CACNA1D: variants seen among roughly 807,000 people sequenced by gnomAD.
CACNA1D encodes the protein voltage-dependent L-type calcium channel subunit alpha-1D.
A neutral mutation model predicts 257.1 loss-of-function variants in CACNA1D; 55 were observed. The ratio of observed to expected loss-of-function variants is 0.21; its 90% CI spans 0.17 to 0.27. The LOEUF (loss-of-function observed/expected upper bound fraction) is 0.27, where lower values mean the gene tolerates loss of function less well. Among genes scored for constraint, CACNA1D ranks in the 10% least tolerant of loss-of-function variants. CACNA1D has a pLI of 1.00. For synonymous variants in CACNA1D, 980 were observed against 1,014.9 expected, an observed-to-expected ratio of 0.97 and a Z score of 0.65; for missense variants, 1,876 against 2,784.0, an observed-to-expected ratio of 0.67 and a Z score of 7.34.
chr3:53,715,041 A>G (rs764535761), intron 9 of CACNA1D, among the ~76,000 whole-genome samples: 1 of 152,140 alleles, frequency 6.6e-6, no homozygotes, highest in Non-Finnish European at 1.5e-5. Flanking sequence ...TTGGAAAAGG[A>G]TAAGTGTGAT....
chr3:53,650,069 GAGGAA>G (rs2108268249), intron 3 of CACNA1D, among the ~76,000 whole-genome samples: 1 of 152,346 alleles, frequency 6.6e-6, no homozygotes. Context: ...ATGGATACTA[GAGGAA>G]AGGTCAGAGG....
At chr3:53,683,477 C>T (rs893368654) in intron 8 of CACNA1D, among the ~76,000 whole-genome samples, 1 of 152,092 alleles carries the variant, frequency 6.6e-6, no homozygotes, top group Non-Finnish European at 1.5e-5. Flanking sequence ...AATCAACACT[C>T]GTTAAAGGAA....
intron 39 of CACNA1D, chr3:53,783,136 C>A (rs1013623693): frequency 1.1e-4 from 16 of 152,194 alleles, no homozygotes; most frequent in Admixed American, 8.5e-4. Flanking sequence ...TGTAAACCTT[C>A]CCCCTGCGAG....
intron 39 of CACNA1D, chr3:53,782,264 GTATATATATATATA>G (rs1553680730): frequency 4.0e-5 from 3 of 75,450 alleles, no homozygotes; most frequent in South Asian, 1.0e-3. Context: ...GTGTGTGTGT[GTATATATATATATA>G]TATATATATA....
At chr3:53,645,154 T>G (rs1442212381) in intron 3 of CACNA1D, among the ~76,000 whole-genome samples, 1 of 152,200 alleles carries the variant, frequency 6.6e-6, no homozygotes, top group Non-Finnish European at 1.5e-5. Flanking sequence ...CCTTTGCCCA[T>G]TTTAAAGTCA....
intron 3 of CACNA1D, among the ~76,000 whole-genome samples, chr3:53,591,829 C>T (rs541078889): frequency 2.0e-5 from 3 of 152,082 alleles, no homozygotes; most frequent in East Asian, 3.8e-4. Flanking sequence ...TTTTGGTGTC[C>T]GTTTATTTTT....
rs770116906 is a variant in CACNA1D, at chr3:53,753,676, G to A, written c.3780G>A (p.Lys1260=). The change falls in exon 29 of 48, where the codon AAG becomes AAA. Residue 1260 remains lysine (K), a synonymous_variant. Coordinates refer to ENST00000350061, the MANE Select transcript of CACNA1D (RefSeq NM_001128840.3). ...TGGTTTTGAAAGTCATCGCATTTAA[G>A]CCTAAGGTGAGTTGCAGAACCCACT... ...VEMVLKVIAF[K]PKGYFSDAWN... 1.2e-6 allele frequency: 2 copies of A among 1,601,598 alleles called. No homozygotes were observed. The highest frequency in any genetic ancestry group is 2.7e-5 in the African/African-American group (2 of 74,736).
chr3:53,767,590 T>C (rs868717009), intron 30 of CACNA1D, among the ~76,000 whole-genome samples: 1 of 134,664 alleles, frequency 7.4e-6, no homozygotes, highest in African/African-American at 2.9e-5. Flanking sequence ...AACAACAAAA[T>C]AAAATTCCCA....
chr3:53,662,585 A>C (rs758212455), intron 5 of CACNA1D, among the ~76,000 whole-genome samples: 75 of 152,352 alleles, frequency 4.9e-4, no homozygotes, highest in Non-Finnish European at 9.0e-4. Context: ...TGACTAGTGT[A>C]AGTTCTCACA....
In CACNA1D at chr3:53,730,332, C is replaced by T. The variant is rs553379549; in HGVS notation, c.2222-110C>T. ...TGCTGTGTGAGTATAACACTTGGGA[C>T]GGTCACTTACTACCAGCTTCCCGGG... On this transcript the variant is annotated intron_variant, in intron 15 of 47. Coordinates refer to ENST00000350061, the MANE Select transcript of CACNA1D (RefSeq NM_001128840.3). The T allele has an allele frequency of 2.6e-4, 198 of 748,662 alleles. No homozygotes were observed. In the African/African-American group the frequency reaches 2.9e-3, roughly 11 times the overall value. The allele number at this position is 748,662 out of a possible 1,614,324, so 46.4% of individuals were successfully genotyped here. A position where few individuals can be genotyped will look rare whatever the true frequency, so the allele number is the denominator to read the frequency against.
At chr3:53,802,020 T>C (rs1329027171) in intron 42 of CACNA1D, 127 bp from the exon 43 acceptor site, 1 of 833,960 alleles carries the variant, frequency 1.2e-6, no homozygotes. Flanking sequence ...GCAGCCCCTA[T>C]GTGGATGGCG....
At chr3:53,565,394 A>G (rs1160915949) in intron 3 of CACNA1D, among the ~76,000 whole-genome samples, 1 of 152,264 alleles carries the variant, frequency 6.6e-6, no homozygotes, top group South Asian at 2.1e-4. Flanking sequence ...ATGATTTGTC[A>G]TTGCTATTGT....
chr3:53,537,288 A>G (rs879028499), intron 3 of CACNA1D, among the ~76,000 whole-genome samples: 1 of 152,342 alleles, frequency 6.6e-6, no homozygotes, highest in East Asian at 1.9e-4. Flanking sequence ...AAATTCAAAT[A>G]TGTACAGCAC....
chr3:53,810,070 T>G lies in CACNA1D; in HGVS notation c.5964T>G (p.Pro1988=), dbSNP rs1408455673. Residue 1988 remains proline, a synonymous_variant, in exon 47 of 48, where the codon CCT becomes CCG. Transcript: ENST00000350061. The part of the protein sequence containing the change: ...TRSWATPPAT[P]PYRDWTPCYT... ...CGTGGGCCACCCCTCCAGCAACCCC[T>G]CCCTACCGGGACTGGACACCGTGCT... The G allele has an allele frequency of 6.2e-7, 1 of 1,613,552 alleles. No individual in the cohort carries two copies. The highest frequency in any genetic ancestry group is 8.5e-7 in the Non-Finnish European group (1 of 1,179,912).
chr3:53,503,151 G>A (rs1352032359), intron 3 of CACNA1D, among the ~76,000 whole-genome samples: 2 of 152,082 alleles, frequency 1.3e-5, no homozygotes, highest in Non-Finnish European at 2.9e-5. Flanking sequence ...TTTGTATGTG[G>A]GCTTTAGTAG....
intron 3 of CACNA1D, among the ~76,000 whole-genome samples, chr3:53,516,201 A>C (rs2091327051): frequency 6.6e-6 from 1 of 152,168 alleles, no homozygotes; most frequent in African/African-American, 2.4e-5. Flanking sequence ...AGTTCAAGAG[A>C]GTCTTACCTC....
intron 29 of CACNA1D, among the ~76,000 whole-genome samples, chr3:53,756,066 C>T (rs938632103): frequency 4.6e-5 from 7 of 152,176 alleles, no homozygotes; most frequent in African/African-American, 1.7e-4. Flanking sequence ...GAGTCAGGTA[C>T]ACCTTCTAGC....
At chr3:53,792,307 C>T (rs1472198121) in intron 40 of CACNA1D, 1 of 152,088 alleles carries the variant, frequency 6.6e-6, no homozygotes. Flanking sequence ...CAGCTGATTC[C>T]AAGTGGTGGT....
intron 47 of CACNA1D, among the ~76,000 whole-genome samples, chr3:53,810,839 G>A (rs1264160469): frequency 6.7e-6 from 1 of 150,060 alleles, no homozygotes; most frequent in Non-Finnish European, 1.5e-5. Flanking sequence ...CTGGCATTAT[G>A]GGTGCTGTTC....
Sources: gnomAD v4.1 joint callset for allele counts (sites outside exome capture counted in the v4.1 genomes callset) on GRCh38, gnomAD v4.1.1 for gene constraint, MANE v1.5 for transcripts, NCBI Gene and HGNC (gene_info 2026-07-23, HGNC 2026-07-21) for gene names.